Variants in BMPR1B observed in about 807,000 individuals in gnomAD.
BMPR1B encodes bone morphogenetic protein receptor type 1B, also known as bone morphogenetic protein receptor type-1B.
Under a neutral mutation model 59.1 loss-of-function variants are expected in BMPR1B, and 12 were observed. The observed-to-expected ratio is 0.20, with a 90% CI of 0.13 to 0.33. The LOEUF is 0.33. Among genes scored for constraint, BMPR1B ranks in the 10% least tolerant of loss-of-function variants. The pLI, the probability that BMPR1B is intolerant of heterozygous loss-of-function variation, is 1.00. For synonymous variants in BMPR1B, 237 were observed against 207.3 expected (o/e 1.14, Z -1.23); for missense variants, 550 against 610.9 (o/e 0.90, Z 1.05).
At chr4:95,097,677 A>G (rs933840291) in intron 3 of BMPR1B, among the ~76,000 whole-genome samples, 2 of 152,160 alleles carry the variant, frequency 1.3e-5, no homozygotes, top group Non-Finnish European at 2.9e-5. Context: ...AGCTGGGACT[A>G]CAGGCATGTG....
chr4:94,842,083 C>T (rs185536010), intron 1 of BMPR1B, among the ~76,000 whole-genome samples: 3 of 152,316 alleles, frequency 2.0e-5, no homozygotes, highest in East Asian at 1.9e-4. Context: ...AGTGCACACA[C>T]ACCCCAGGGT....
intron 1 of BMPR1B, among the ~76,000 whole-genome samples, chr4:94,869,142 A>T (rs926103209): frequency 7.3e-6 from 1 of 137,442 alleles, no homozygotes; most frequent in Non-Finnish European, 1.6e-5. Flanking sequence ...ACACACACAC[A>T]CTTTGCTTTA....
intron 2 of BMPR1B, among the ~76,000 whole-genome samples, chr4:94,931,047 C>T (rs369485683): frequency 6.6e-6 from 1 of 152,040 alleles, no homozygotes; most frequent in East Asian, 1.9e-4. Flanking sequence ...ATTTTCTTTT[C>T]CTTTCTGAAA....
At chr4:95,037,558 T>C (rs1438594660) in intron 3 of BMPR1B, among the ~76,000 whole-genome samples, 1 of 152,164 alleles carries the variant, frequency 6.6e-6, no homozygotes, top group Non-Finnish European at 1.5e-5. Flanking sequence ...TCAGTATTCT[T>C]TTAAATGAGT....
intron 2 of BMPR1B, among the ~76,000 whole-genome samples, chr4:94,930,726 G>A (rs2149033579): frequency 6.6e-6 from 1 of 152,176 alleles, no homozygotes; most frequent in African/African-American, 2.4e-5. Flanking sequence ...TGTGGAATGA[G>A]CTATTAAAAC....
chr4:94,875,467 G>C (rs1218783690), intron 1 of BMPR1B, among the ~76,000 whole-genome samples: 1 of 152,108 alleles, frequency 6.6e-6, no homozygotes, highest in East Asian at 1.9e-4. Flanking sequence ...GGTGGATCAC[G>C]AGGTCAGGAG....
At position 94,949,399 on chromosome 4, in the gene BMPR1B, C is replaced by T. The variant is rs564423805; in HGVS notation, c.-112-46641C>T. Among the ~76,000 whole-genome samples the T allele has an allele frequency of 1.5e-4, 15 of 102,310 alleles. 4 individuals carry two copies. The highest frequency in any genetic ancestry group is 6.5e-4 in the African/African-American group (15 of 23,204). The allele number at this position is 102,310 out of a possible 152,430, so 67.1% of individuals were successfully genotyped here. A position where few individuals can be genotyped will look rare whatever the true frequency, so the allele number is the denominator to read the frequency against. On this transcript the variant is annotated intron_variant, in intron 2 of 12. Coordinates refer to ENST00000515059, the MANE Select transcript of BMPR1B (RefSeq NM_001203.3). ...TGGCGCAATCTCGGCTCACTGCAAG[C>T]TCTGCTTCCCGGGTTCACGCCATTC...
chr4:94,765,549 ATC>A (rs1721938354), intron 1 of BMPR1B, among the ~76,000 whole-genome samples: 2 of 152,232 alleles, frequency 1.3e-5, no homozygotes, highest in African/African-American at 2.4e-5. Flanking sequence ...TTGAGAATAT[ATC>A]TGTTTGAATT....
intron 2 of BMPR1B, among the ~76,000 whole-genome samples, chr4:94,914,906 A>G (rs1419885114): frequency 3.3e-5 from 5 of 152,162 alleles, no homozygotes; most frequent in African/African-American, 1.2e-4. Context: ...GAATGCTATA[A>G]TATGCATATA....
chr4:94,760,334 G>A (rs973612344), intron 1 of BMPR1B, among the ~76,000 whole-genome samples: 4 of 152,080 alleles, frequency 2.6e-5, no homozygotes, highest in Non-Finnish European at 5.9e-5. Flanking sequence ...TGTTCCAGTC[G>A]TTAAATAATA....
Position 94,933,967 on chromosome 4 carries a change from G to C in BMPR1B, c.-113+58067G>C, listed in dbSNP as rs903259521. Among the ~76,000 whole-genome samples the C allele has an allele frequency of 3.2e-4, 49 of 152,136 alleles. 1 individual carries two copies. The highest frequency in any genetic ancestry group is 1.1e-3 in the African/African-American group (47 of 41,454). On this transcript the variant is annotated intron_variant, in intron 2 of 12. Coordinates refer to ENST00000515059, the MANE Select transcript of BMPR1B (RefSeq NM_001203.3). Reference sequence around the variant, plus strand: ...GCGTTGTATGACAGTCAACAAACTTGGCTCTGTTGTATTTCCAACTATGTA... The same window carrying C: ...GCGTTGTATGACAGTCAACAAACTTCGCTCTGTTGTATTTCCAACTATGTA...
intron 3 of BMPR1B, among the ~76,000 whole-genome samples, chr4:95,089,026 GA>G (rs1302744509): frequency 6.6e-6 from 1 of 152,142 alleles, no homozygotes. Context: ...AATTTTGACT[GA>G]AGTGGCCATT....
chr4:94,759,655 A>C (rs1220941388), intron 1 of BMPR1B, among the ~76,000 whole-genome samples: 1 of 152,228 alleles, frequency 6.6e-6, no homozygotes, highest in Non-Finnish European at 1.5e-5. Context: ...AAGAAGAATT[A>C]TTTCTAGCTG....
intron 1 of BMPR1B, among the ~76,000 whole-genome samples, chr4:94,774,204 A>C (rs374839440): frequency 2.6e-5 from 4 of 152,204 alleles, no homozygotes; most frequent in African/African-American, 7.2e-5. Context: ...AATTATATTT[A>C]TCAAGCTAAC....
At chr4:94,904,988 G>A (rs1429218958) in intron 2 of BMPR1B, among the ~76,000 whole-genome samples, 1 of 151,890 alleles carries the variant, frequency 6.6e-6, no homozygotes, top group African/African-American at 2.4e-5. Flanking sequence ...TAAAAGTCTT[G>A]GAAGCTTTAA....
chr4:94,861,745 A>G (rs1302845821), intron 1 of BMPR1B, among the ~76,000 whole-genome samples: 2 of 152,214 alleles, frequency 1.3e-5, no homozygotes, highest in Non-Finnish European at 2.9e-5. Flanking sequence ...TTTTAAAATT[A>G]TGGTTATAGC....
At chr4:94,934,709 A>G (rs1271894563) in intron 2 of BMPR1B, among the ~76,000 whole-genome samples, 2 of 152,242 alleles carry the variant, frequency 1.3e-5, no homozygotes, top group East Asian at 3.9e-4. Flanking sequence ...TGCTTTCTGT[A>G]TCAACATGGA....
At chr4:94,761,544 T>G (rs1401190246) in intron 1 of BMPR1B, among the ~76,000 whole-genome samples, 1 of 151,766 alleles carries the variant, frequency 6.6e-6, no homozygotes, top group Non-Finnish European at 1.5e-5. Context: ...GACTACCAGT[T>G]TAACTCCCAG....
intron 3 of BMPR1B, among the ~76,000 whole-genome samples, chr4:95,069,337 C>CAGACAAGAAAGG (rs1200610272): frequency 1.3e-5 from 2 of 152,192 alleles, no homozygotes; most frequent in African/African-American, 4.8e-5. Context: ...AAGATCTGTT[C>CAGACAAGAAAGG]CCCATTTCTT....
Sources: gnomAD v4.1 joint callset for allele counts (sites outside exome capture counted in the v4.1 genomes callset) on GRCh38, gnomAD v4.1.1 for gene constraint, MANE v1.5 for transcripts, NCBI Gene and HGNC (gene_info 2026-07-23, HGNC 2026-07-21) for gene names.